CRISP2: variants seen among roughly 807,000 people sequenced by gnomAD.
The protein encoded by CRISP2 is cysteine rich secretory protein 2.
CRISP2 carries 29 observed loss-of-function variants against 31.7 expected under a neutral mutation model. The ratio of observed to expected loss-of-function variants is 0.92; its 90% CI spans 0.68 to 1.25. The LOEUF is 1.25. Ranked by LOEUF, CRISP2 falls within the 50% of genes most tolerant of loss-of-function variation. CRISP2 has a pLI of 0.00. For missense variants in CRISP2, 318 were observed against 286.5 expected, an observed-to-expected ratio of 1.11 and a Z score of -0.79; for synonymous variants, 111 against 101.4, an observed-to-expected ratio of 1.09 and a Z score of -0.57.
rs957307212 is a variant in CRISP2 at position 49,697,742 on chromosome 6, A to G, written c.515+118T>C. On this transcript the variant is annotated intron_variant, in intron 8 of 9. Transcript: ENST00000339139. ...TCTCAACCTTAAAAAACATTTCCAA[A>G]CGTTTATCCCCTCCCTTTTATTGAG... The G allele has an allele frequency of 2.5e-6, 4 of 1,568,702 alleles. No individual in the cohort carries two copies. The Admixed American group carries it at 7.2e-5, about 28-fold the overall frequency.
In CRISP2 at chr6:49,692,659, A is replaced by G; in HGVS notation, c.*114T>C. 1 of 1,008,322 alleles carries G rather than the reference A, an allele frequency of 9.9e-7. No homozygotes were observed. The highest frequency in any genetic ancestry group is 1.4e-6 in the Non-Finnish European group (1 of 703,850). 62.5% of individuals were successfully genotyped at this position (1,008,322 alleles called of 1,614,324 possible). A position where few individuals can be genotyped will look rare whatever the true frequency, so the allele number is the denominator to read the frequency against. On this transcript the variant is annotated 3_prime_UTR_variant, in exon 10 of 10. Coordinates refer to ENST00000339139, the MANE Select transcript of CRISP2 (RefSeq NM_003296.4). Reference sequence around the variant, plus strand: ...TGTGATGATCTGGGGGAGAAGATGCATTGCTCTTTGAAATCAAATTTGTCA... The same window carrying G: ...TGTGATGATCTGGGGGAGAAGATGCGTTGCTCTTTGAAATCAAATTTGTCA...
Position 49,700,734 on chromosome 6 carries a change from C to T in CRISP2, c.117G>A (p.Glu39=). 1.2e-6 allele frequency: 2 copies of T among 1,612,796 alleles called. No homozygotes were observed. Among genetic ancestry groups the T allele is most frequent in the Non-Finnish European group, 1.7e-6 (2 of 1,179,232 alleles). The change falls in exon 5 of 10, where the codon GAG becomes GAA. Residue 39 remains glutamate (E), a synonymous_variant. Coordinates refer to ENST00000339139, the MANE Select transcript of CRISP2 (RefSeq NM_003296.4). ...LLTTQLQVQR[E]IVNKHNELRK... ...TTAGTTCATTGTGTTTATTTACAATCTCCCTTTGCACTTGCAACTGGGTGG... is the reference window on the plus strand; with the variant it reads ...TTAGTTCATTGTGTTTATTTACAATTTCCCTTTGCACTTGCAACTGGGTGG...
rs777328925 is a variant in CRISP2, at chr6:49,699,871, T to C, written c.204A>G (p.Thr68=). The change falls in exon 6 of 10, where the codon ACA becomes ACG. Residue 68 remains threonine, a synonymous_variant. Transcript: ENST00000339139. ...MLKMEWSREV[T]TNAQRWANKC... The stretch of plus-strand genomic sequence containing the variant: ...TGTTTGCCCACCTTTGGGCATTCGT[T>C]GTTACCTCTCTGCTCCATTCCTAAA... 4 of 1,612,708 alleles carry C rather than the reference T, an allele frequency of 2.5e-6. No individual in the cohort carries two copies. Among genetic ancestry groups the C allele is most frequent in the Non-Finnish European group, 3.4e-6 (4 of 1,179,186 alleles).
At chr6:49,705,842 A>G (rs1248411471) in intron 4 of CRISP2, among the ~76,000 whole-genome samples, 1 of 152,316 alleles carries the variant, frequency 6.6e-6, no homozygotes, top group East Asian at 1.9e-4. Flanking sequence ...GTTTAGAGGC[A>G]GATTTTCTTC....
chr6:49,705,995 G>A (rs1360263487), intron 4 of CRISP2, among the ~76,000 whole-genome samples: 2 of 152,158 alleles, frequency 1.3e-5, no homozygotes, highest in African/African-American at 4.8e-5. Flanking sequence ...TTCATGATGT[G>A]AATCTCCACA....
chr6:49,677,051 G>A, the CRISP2 span, among the ~76,000 whole-genome samples: 1 of 152,144 alleles, frequency 6.6e-6, no homozygotes, highest in African/African-American at 2.4e-5. Context: ...TTACAAGGAA[G>A]AGGACGAAAG....
chr6:49,682,844 C>T, the CRISP2 span, among the ~76,000 whole-genome samples: 68 of 150,012 alleles, frequency 4.5e-4, no homozygotes, highest in Middle Eastern at 3.4e-3. Flanking sequence ...TCCTCCCTTC[C>T]TCCCTTCTTT....
intron 9 of CRISP2, among the ~76,000 whole-genome samples, chr6:49,694,454 T>C (rs1290498486): frequency 6.6e-6 from 1 of 152,194 alleles, no homozygotes; most frequent in Non-Finnish European, 1.5e-5. Context: ...GATACCAATC[T>C]GCATACCAAT....
intron 9 of CRISP2, among the ~76,000 whole-genome samples, 154 bp from the exon 10 acceptor site, chr6:49,693,054 T>C (rs1336479221): frequency 6.6e-6 from 1 of 152,220 alleles, no homozygotes; most frequent in African/African-American, 2.4e-5. Flanking sequence ...GGCTGCATAG[T>C]ATTCCATGGT....
chr6:49,688,429 CT>C (rs991077920), downstream of CRISP2, among the ~76,000 whole-genome samples: 4 of 150,480 alleles, frequency 2.7e-5, no homozygotes, highest in African/African-American at 7.3e-5. Context: ...AATAAAAATG[CT>C]TTTTTTTTCA....
chr6:49,709,056 C>T (rs191043224), intron 4 of CRISP2, 75 bp downstream of exon 4: 459 of 1,296,258 alleles, frequency 3.5e-4, no homozygotes, highest in Admixed American at 1.0e-3. Flanking sequence ...TCTTACCCCC[C>T]TTTACTTTCA....
chr6:49,679,998 A>G, the CRISP2 span, among the ~76,000 whole-genome samples: 3 of 152,016 alleles, frequency 2.0e-5, no homozygotes, highest in Non-Finnish European at 4.4e-5. Flanking sequence ...GAGCCACTGC[A>G]CCCAGCCGAC....
chr6:49,706,805 A>T (rs1244954043), intron 4 of CRISP2, among the ~76,000 whole-genome samples: 1 of 152,200 alleles, frequency 6.6e-6, no homozygotes, highest in Non-Finnish European at 1.5e-5. Context: ...TATTGCCATT[A>T]TCTACAATAT....
chr6:49,712,698 T>C (rs1201508781), intron 1 of CRISP2, 94 bp from the exon 2 acceptor site: 1 of 152,248 alleles, frequency 6.6e-6, no homozygotes, highest in African/African-American at 2.4e-5. Flanking sequence ...AAATTTTGAC[T>C]CAATTGTTTA....
intron 9 of CRISP2, 116 bp from the exon 10 acceptor site, chr6:49,693,016 CA>C: frequency 3.0e-6 from 3 of 989,676 alleles, no homozygotes; most frequent in Non-Finnish European, 4.6e-6. Context: ...GCATCGCTTA[CA>C]CTACAATGGG....
the CRISP2 span, among the ~76,000 whole-genome samples, chr6:49,682,523 T>G: frequency 2.4e-5 from 3 of 122,798 alleles, no homozygotes; most frequent in African/African-American, 6.2e-5. Flanking sequence ...TCTTCCTCCT[T>G]CTCCTTCCTT....
chr6:49,699,733 G>A, intron 6 of CRISP2, 71 bp downstream of exon 6: 1 of 1,078,224 alleles, frequency 9.3e-7, no homozygotes. Flanking sequence ...TCTTATTATA[G>A]AGCATCCTAC....
intron 4 of CRISP2, among the ~76,000 whole-genome samples, chr6:49,702,204 T>C (rs1766196408): frequency 7.6e-6 from 1 of 131,186 alleles, no homozygotes; most frequent in Admixed American, 8.4e-5. Flanking sequence ...TATCCACTCA[T>C]TGATTAATGG....
At chr6:49,683,684 AAAAAAAAAAAATATAT>A in the CRISP2 span, among the ~76,000 whole-genome samples, 1 of 26,684 alleles carries the variant, frequency 3.7e-5, no homozygotes, top group African/African-American at 1.0e-4. Context: ...AAAAAAAAAA[AAAAAAAAAAAATATAT>A]ATATATATAT....
Sources: gnomAD v4.1 joint callset for allele counts (sites outside exome capture counted in the v4.1 genomes callset) on GRCh38, gnomAD v4.1.1 for gene constraint, MANE v1.5 for transcripts, NCBI Gene and HGNC (gene_info 2026-07-23, HGNC 2026-07-21) for gene names.